The following POPDC1 variants were observed in gnomAD, a reference collection of about 807,000 sequenced individuals.
POPDC1 encodes the protein popeye domain cAMP effector 1, also known as popeye domain-containing protein 1.
At chr6:105,124,885 G>A in the POPDC1 span, among the ~76,000 whole-genome samples, 2 of 152,128 alleles carry the variant, frequency 1.3e-5, no homozygotes, top group Non-Finnish European at 2.9e-5. Context: ...CTGTCTAGTG[G>A]TTACTATTGC....
At chr6:105,134,664 A>G in the POPDC1 span, among the ~76,000 whole-genome samples, 131 of 152,214 alleles carry the variant, frequency 8.6e-4, no homozygotes, top group Non-Finnish European at 1.5e-3. Context: ...CAAAATGGGT[A>G]TTTTGAAAGG....
At chr6:105,110,011 T>G in the POPDC1 span, among the ~76,000 whole-genome samples, 451 of 152,206 alleles carry the variant, frequency 3.0e-3, 1 homozygote, top group African/African-American at 1.0e-2. Context: ...ATAAAATACC[T>G]TCAGGTAAGA....
the POPDC1 span, chr6:105,125,299 A>C: frequency 2.8e-6 from 4 of 1,413,926 alleles, no homozygotes; most frequent in Admixed American, 5.5e-5. Context: ...TTCTCCATTC[A>C]TTGGCAACAT....
chr6:105,106,337 TTG>T, the POPDC1 span, among the ~76,000 whole-genome samples: 3 of 152,138 alleles, frequency 2.0e-5, no homozygotes, highest in African/African-American at 7.2e-5. Flanking sequence ...TGGAGCACAA[TTG>T]TGCTCTGGGG....
At chr6:105,137,092 G>C in the POPDC1 span, 1 of 151,974 alleles carries the variant, frequency 6.6e-6, no homozygotes, top group Non-Finnish European at 1.5e-5. Flanking sequence ...GCGCTCCTCG[G>C]CGGGTCGGCG....
the POPDC1 span, among the ~76,000 whole-genome samples, chr6:105,106,552 C>A: frequency 6.6e-6 from 1 of 152,234 alleles, no homozygotes; most frequent in African/African-American, 2.4e-5. Flanking sequence ...TGGGCTCCCA[C>A]AAGGGGATTC....
the POPDC1 span, among the ~76,000 whole-genome samples, chr6:105,102,497 T>C: frequency 6.6e-6 from 1 of 152,170 alleles, no homozygotes; most frequent in Non-Finnish European, 1.5e-5. Context: ...TGGTCATTCC[T>C]GGCCCCTGGT....
chr6:105,128,743 C>A, the POPDC1 span, among the ~76,000 whole-genome samples: 2 of 152,110 alleles, frequency 1.3e-5, no homozygotes, highest in African/African-American at 4.8e-5. Flanking sequence ...TTAAGGCAAG[C>A]ATTATATCTT....
chr6:105,125,608 C>G, the POPDC1 span: 1 of 1,603,500 alleles, frequency 6.2e-7, no homozygotes, highest in Non-Finnish European at 8.5e-7. Flanking sequence ...AGATGCTTCA[C>G]CAATGCAGCA....
the POPDC1 span, among the ~76,000 whole-genome samples, chr6:105,123,791 A>G: frequency 1.3e-5 from 2 of 152,246 alleles, no homozygotes; most frequent in African/African-American, 2.4e-5. Context: ...AAACATATTC[A>G]TTAAGTAAAA....
At chr6:105,136,023 G>C in the POPDC1 span, among the ~76,000 whole-genome samples, 1 of 152,060 alleles carries the variant, frequency 6.6e-6, no homozygotes, top group Non-Finnish European at 1.5e-5. Context: ...TTTGTTTATC[G>C]TTTTTCAAAT....
chr6:105,105,190 C>A, the POPDC1 span, among the ~76,000 whole-genome samples: 2 of 152,208 alleles, frequency 1.3e-5, no homozygotes, highest in Non-Finnish European at 2.9e-5. Flanking sequence ...CCCCCCCCAA[C>A]TCCCTGTCCT....
chr6:105,119,294 T>C, the POPDC1 span, among the ~76,000 whole-genome samples: 1 of 151,090 alleles, frequency 6.6e-6, no homozygotes, highest in Non-Finnish European at 1.5e-5. Context: ...TACTCATCAA[T>C]ACCATTTCAT....
At chr6:105,135,473 A>G in the POPDC1 span, among the ~76,000 whole-genome samples, 1 of 152,120 alleles carries the variant, frequency 6.6e-6, no homozygotes, top group African/African-American at 2.4e-5. Flanking sequence ...CATTTACATA[A>G]TCAATCAATC....
At chr6:105,109,321 T>C in the POPDC1 span, among the ~76,000 whole-genome samples, 1 of 152,140 alleles carries the variant, frequency 6.6e-6, no homozygotes, top group Non-Finnish European at 1.5e-5. Flanking sequence ...AGGTGTATTG[T>C]TTAATGTTAC....
At chr6:105,124,768 C>T in the POPDC1 span, 13 of 759,038 alleles carry the variant, frequency 1.7e-5, no homozygotes, top group South Asian at 2.2e-4. Context: ...TTAAAAATTC[C>T]ACAGAGATGA....
the POPDC1 span, among the ~76,000 whole-genome samples, chr6:105,113,529 G>A: frequency 4.6e-5 from 7 of 152,284 alleles, no homozygotes; most frequent in Admixed American, 2.0e-4. Flanking sequence ...CTCCTTTAGA[G>A]CAGGAGCTTT....
At chr6:105,103,646 T>C in the POPDC1 span, among the ~76,000 whole-genome samples, 1 of 152,168 alleles carries the variant, frequency 6.6e-6, no homozygotes, top group Non-Finnish European at 1.5e-5. Flanking sequence ...TATATAGACA[T>C]AATTGTGTAA....
the POPDC1 span, chr6:105,101,135 A>T: frequency 6.2e-7 from 1 of 1,613,886 alleles, no homozygotes; most frequent in East Asian, 2.2e-5. Context: ...TGCCGGTTCA[A>T]AAACGTCATC....
Sources: allele counts gnomAD v4.1 joint callset (sites outside exome capture counted in the v4.1 genomes callset), GRCh38; gene constraint gnomAD v4.1.1; transcripts MANE v1.5; gene names NCBI Gene and HGNC (gene_info 2026-07-23, HGNC 2026-07-21).